NRK: variants seen among roughly 807,000 people sequenced by gnomAD.
The protein encoded by NRK is nik-related protein kinase.
In NRK, 67 loss-of-function variants were observed where a neutral mutation model predicts 125.2. The observed-to-expected ratio is 0.54, with a 90% CI of 0.44 to 0.66. The LOEUF is 0.66. Ranked by LOEUF, NRK falls within the 30% of genes least tolerant of loss-of-function variation. NRK has a pLI of 0.00. For synonymous variants in NRK, 458 were observed against 429.0 expected (o/e 1.07, Z -0.84); for missense variants, 1,224 against 1,192.9 (o/e 1.03, Z -0.38).
At chrX:105,926,769 T>C (rs751508556) in intron 19 of NRK, among the ~76,000 whole-genome samples, 2 of 111,354 alleles carry the variant, frequency 1.8e-5, no homozygotes, top group East Asian at 2.8e-4. Flanking sequence ...CCAGTGAATA[T>C]TCTTGATGCC....
intron 1 of NRK, among the ~76,000 whole-genome samples, chrX:105,826,249 TGATAATATATATTTC>T (rs2039099960): frequency 1.2e-5 from 1 of 84,482 alleles, no homozygotes; most frequent in Non-Finnish European, 2.2e-5. Context: ...ATAATATATA[TGATAATATATATTTC>T]ATATATAATA....
chrX:105,921,429 T>C (rs1160207133), intron 16 of NRK, among the ~76,000 whole-genome samples: 2 of 106,330 alleles, frequency 1.9e-5, no homozygotes, highest in East Asian at 5.9e-4. Context: ...CATGTATACA[T>C]ATGTAACTAA....
chrX:105,821,819 T>G (rs1167446404), upstream of NRK, among the ~76,000 whole-genome samples: 7 of 111,373 alleles, frequency 6.3e-5, no homozygotes, highest in Non-Finnish European at 9.4e-5. Flanking sequence ...TGAGAACAGG[T>G]GCTGTTCTGA....
intron 5 of NRK, among the ~76,000 whole-genome samples, chrX:105,891,904 G>A (rs5916959): frequency 0.058 from 6,469 of 111,418 alleles, 178 homozygotes; most frequent in Non-Finnish European, 0.092. Flanking sequence ...TTTAGTTACT[G>A]AGGAATTTTT....
chrX:105,936,636 T>A (rs1374725643), intron 21 of NRK, among the ~76,000 whole-genome samples: 1 of 111,999 alleles, frequency 8.9e-6, no homozygotes, highest in East Asian at 2.8e-4. Context: ...GTTACATTAC[T>A]TGGCTGGTTA....
At chrX:105,846,416 C>T (rs150620465) in intron 2 of NRK, among the ~76,000 whole-genome samples, 416 of 111,859 alleles carry the variant, frequency 3.7e-3, no homozygotes, top group Non-Finnish European at 6.1e-3. Flanking sequence ...TTAAATTCAA[C>T]TGTCACATCA....
chrX:105,930,798 A>T (rs1032630657), intron 19 of NRK, among the ~76,000 whole-genome samples: 11 of 111,031 alleles, frequency 9.9e-5, no homozygotes, highest in Admixed American at 8.6e-4. Context: ...TTCTGGGTGG[A>T]TGCAGCAGTG....
chrX:105,900,734 A>C (rs1248899535), intron 9 of NRK, 62 bp downstream of exon 9: 48 of 697,742 alleles, frequency 6.9e-5, no homozygotes, highest in Non-Finnish European at 1.1e-4. Context: ...AAATCATACA[A>C]ATCTCTCTCT....
At chrX:105,922,287 C>T (rs1208054389) in intron 17 of NRK, among the ~76,000 whole-genome samples, 1 of 111,651 alleles carries the variant, frequency 9.0e-6, no homozygotes, top group Non-Finnish European at 1.9e-5. Flanking sequence ...TTTATTTTCA[C>T]ATTCTTGTGT....
intron 10 of NRK, among the ~76,000 whole-genome samples, chrX:105,905,570 G>A (rs2040210168): frequency 1.8e-5 from 2 of 112,601 alleles, no homozygotes; most frequent in Admixed American, 9.4e-5. Flanking sequence ...TGATATTACT[G>A]TACTGCCATT....
At chrX:105,932,001 T>C (rs1269303326) in intron 19 of NRK, among the ~76,000 whole-genome samples, 1 of 111,433 alleles carries the variant, frequency 9.0e-6, no homozygotes, top group Non-Finnish European at 1.9e-5. Context: ...CAATTAAGTC[T>C]TGTTTCCCCC....
At chrX:105,953,996 A>T (rs1329637079) in intron 28 of NRK, among the ~76,000 whole-genome samples, 1 of 110,863 alleles carries the variant, frequency 9.0e-6, no homozygotes, top group Non-Finnish European at 1.9e-5. Context: ...GGTCAGCGAG[A>T]CCTAGAATGC....
At chrX:105,898,251 C>T (rs892614502) in intron 7 of NRK, among the ~76,000 whole-genome samples, 1 of 111,904 alleles carries the variant, frequency 8.9e-6, no homozygotes, top group Non-Finnish European at 1.9e-5. Flanking sequence ...TGGTCTTCCT[C>T]CAGCTTGGTT....
chrX:105,868,372 C>T (rs763165690), intron 2 of NRK, among the ~76,000 whole-genome samples: 2 of 111,405 alleles, frequency 1.8e-5, no homozygotes, highest in African/African-American at 3.3e-5. Context: ...CCTTCCTTTC[C>T]TCCAAATCTG....
At chrX:105,941,972 G>A (rs994299221) in intron 23 of NRK, among the ~76,000 whole-genome samples, 1 of 110,569 alleles carries the variant, frequency 9.0e-6, no homozygotes, top group African/African-American at 3.3e-5. Flanking sequence ...ACTGATAAAT[G>A]GTTACCTAGG....
At position 105,949,716 on chromosome X, in the gene NRK, G is replaced by A. The variant is rs181878602; in HGVS notation, c.4495G>A (p.Asp1499Asn). Residue 1499 changes from aspartate to asparagine, a missense_variant, in exon 27 of 29, where the codon GAC becomes AAC. By Grantham distance (23) the Asp-to-Asn change is conservative. Transcript: ENST00000243300. ...LFKKILEMWK[D>N]IPSSIAFECT... ...CAAGAAGATCCTTGAAATGTGGAAA[G>A]ACATACCATCTTCTATAGGTATGTA... 6.0e-5 allele frequency: 71 copies of A among 1,192,142 alleles called. 2 individuals carry two copies. The Admixed American group carries it at 1.1e-3, about 18-fold the overall frequency.
At position 105,909,765 on chromosome X, in the gene NRK, A is replaced by G; in HGVS notation, c.2124A>G (p.Ser708=). 8.4e-7 allele frequency: 1 copy of G among 1,183,687 alleles called. No individual in the cohort carries two copies. The highest frequency in any genetic ancestry group is 3.1e-5 in the East Asian group (1 of 32,188). The change falls in exon 13 of 29, where the codon TCA becomes TCG. Residue 708 remains serine (S), a synonymous_variant. Coordinates refer to ENST00000243300, the MANE Select transcript of NRK (RefSeq NM_198465.4). ...RLSPKRFRAK[S]SWRPEKLELS... ...CACCAAAGAGGTTCAGGGCAAAGTC[A>G]TCATGGAGACCTGAAAAGCTTGAAC...
rs980419109 is a variant in NRK at position 105,914,944 on chromosome X, A to G, written c.2350-786A>G. Among the ~76,000 whole-genome samples the G allele has an allele frequency of 9.4e-5, 10 of 105,927 alleles. No homozygotes were observed. The East Asian group carries it at 2.9e-3, about 31-fold the overall frequency. The allele number at this position is 105,927 out of a possible 115,157, so 92.0% of individuals were successfully genotyped here. On this transcript the variant is annotated intron_variant, in intron 14 of 28. Coordinates refer to ENST00000243300, the MANE Select transcript of NRK (RefSeq NM_198465.4). Reference sequence around the variant, plus strand: ...CTTCTTTGAGTAGAAACCTGGTGATACAAGTCTTAGTGAGGCAAGGCAACA... The same window carrying G: ...CTTCTTTGAGTAGAAACCTGGTGATGCAAGTCTTAGTGAGGCAAGGCAACA...
chrX:105,906,462 C>T lies in NRK; in HGVS notation c.894C>T (p.Phe298=), dbSNP rs1367358193. The T allele has an allele frequency of 5.2e-6, 6 of 1,154,742 alleles. No individual in the cohort carries two copies. The highest frequency in any genetic ancestry group is 7.0e-6 in the Non-Finnish European group (6 of 859,455). ...TGGAAAAGTGTACGATAAAAAATTTCCTGTTTCGTCCTACTTCTGCAAACA... is the reference window on the plus strand; with the variant it reads ...TGGAAAAGTGTACGATAAAAAATTTTCTGTTTCGTCCTACTTCTGCAAACA... ...NFMEKCTIKN[F]LFRPTSANML... The change falls in exon 11 of 29, where the codon TTC becomes TTT. Residue 298 remains phenylalanine (F), a synonymous_variant. Coordinates refer to ENST00000243300, the MANE Select transcript of NRK (RefSeq NM_198465.4).
Sources: gnomAD v4.1 joint callset for allele counts (sites outside exome capture counted in the v4.1 genomes callset) on GRCh38, gnomAD v4.1.1 for gene constraint, MANE v1.5 for transcripts, NCBI Gene and HGNC (gene_info 2026-07-23, HGNC 2026-07-21) for gene names.